The following PLCB1 variants were observed in gnomAD, a reference collection of about 807,000 sequenced individuals.
The protein encoded by PLCB1 is phospholipase C beta 1, also known as 1-phosphatidylinositol 4,5-bisphosphate phosphodiesterase beta-1.
A neutral mutation model predicts 161.8 loss-of-function variants in PLCB1; 46 were observed. That is an observed-to-expected ratio of 0.28 (90% CI 0.22 to 0.36). The LOEUF (loss-of-function observed/expected upper bound fraction) is 0.36, where lower values mean the gene tolerates loss of function less well. Among genes scored for constraint, PLCB1 ranks in the 10% least tolerant of loss-of-function variants. PLCB1 has a pLI of 1.00. For synonymous variants in PLCB1, 517 were observed against 503.7 expected (o/e 1.03, Z -0.35); for missense variants, 1,016 against 1,472.5 (o/e 0.69, Z 5.07).
At chr20:8,398,011 T>A (rs1052460819) in intron 3 of PLCB1, among the ~76,000 whole-genome samples, 24 of 152,260 alleles carry the variant, frequency 1.6e-4, no homozygotes, top group Admixed American at 1.6e-3. Flanking sequence ...ATAGACTTTT[T>A]CTTTGTTTAG....
At chr20:8,507,918 A>C (rs570494755) in intron 3 of PLCB1, among the ~76,000 whole-genome samples, 193 of 152,232 alleles carry the variant, frequency 1.3e-3, no homozygotes, top group Non-Finnish European at 2.4e-3. Flanking sequence ...ATGATTTTGC[A>C]ATGCATTATT....
chr20:8,321,781 C>T (rs956868255), intron 2 of PLCB1, among the ~76,000 whole-genome samples: 9 of 152,142 alleles, frequency 5.9e-5, no homozygotes, highest in African/African-American at 2.2e-4. Flanking sequence ...TCCTCTCTCC[C>T]CCGCATTGGG....
chr20:8,482,168 ATC>A (rs1416092714), intron 3 of PLCB1, among the ~76,000 whole-genome samples: 1 of 129,296 alleles, frequency 7.7e-6, no homozygotes, highest in Non-Finnish European at 1.5e-5. Context: ...AAGTGGCGTG[ATC>A]TCGGCTCACT....
intron 31 of PLCB1, among the ~76,000 whole-genome samples, chr20:8,804,424 C>A (rs1326048605): frequency 5.5e-5 from 1 of 18,280 alleles, no homozygotes; most frequent in Non-Finnish European, 9.5e-5. Flanking sequence ...TTGTTTGGTC[C>A]CTTTAGCTTT....
At chr20:8,665,047 C>G (rs552584214) in intron 9 of PLCB1, among the ~76,000 whole-genome samples, 1 of 152,140 alleles carries the variant, frequency 6.6e-6, no homozygotes, top group Non-Finnish European at 1.5e-5. Flanking sequence ...ACAAACCACA[C>G]GGACCGACAA....
intron 2 of PLCB1, among the ~76,000 whole-genome samples, chr20:8,230,962 A>G (rs1298226408): frequency 2.0e-5 from 3 of 152,140 alleles, no homozygotes; most frequent in African/African-American, 7.2e-5. Context: ...TTTAGTTCCT[A>G]TGCACCATCA....
chr20:8,668,241 G>A (rs1304722106), intron 9 of PLCB1, among the ~76,000 whole-genome samples: 1 of 152,098 alleles, frequency 6.6e-6, no homozygotes, highest in Non-Finnish European at 1.5e-5. Flanking sequence ...CCATAGTAGG[G>A]AATCCTGCCA....
chr20:8,339,318 C>T (rs1009562246), intron 2 of PLCB1, among the ~76,000 whole-genome samples: 1 of 152,132 alleles, frequency 6.6e-6, no homozygotes, highest in Non-Finnish European at 1.5e-5. Flanking sequence ...ACTTGCTCCT[C>T]ATGTGGGCAC....
intron 31 of PLCB1, among the ~76,000 whole-genome samples, chr20:8,837,813 C>G (rs1986346183): frequency 6.6e-6 from 1 of 152,184 alleles, no homozygotes; most frequent in Admixed American, 6.5e-5. Flanking sequence ...ACTGCAGTCA[C>G]TGAATTGAGA....
At chr20:8,186,655 A>T (rs990983332) in intron 2 of PLCB1, among the ~76,000 whole-genome samples, 2 of 152,198 alleles carry the variant, frequency 1.3e-5, no homozygotes, top group Non-Finnish European at 2.9e-5. Context: ...ATAAGTCCAG[A>T]TTCTCTGAGA....
chr20:8,618,933 G>T (rs1340022463), intron 3 of PLCB1, among the ~76,000 whole-genome samples: 1 of 151,944 alleles, frequency 6.6e-6, no homozygotes, highest in African/African-American at 2.4e-5. Context: ...AACACAAAAG[G>T]TATATAAATA....
In PLCB1 at chr20:8,415,265, T is replaced by C. The variant is rs138332697; in HGVS notation, c.246+43815T>C. Among the ~76,000 whole-genome samples the C allele has an allele frequency of 1.5e-3, 235 of 152,350 alleles. 2 individuals carry two copies. Among genetic ancestry groups the C allele is most frequent in the African/African-American group, 5.5e-3 (227 of 41,576 alleles). The stretch of plus-strand genomic sequence containing the variant: ...CAGGTGGAAGGGCATTAAGGTTTAC[T>C]CAGCATCTCTAGTTGCAGCTGGATG... On this transcript the variant is annotated intron_variant, in intron 3 of 31. Transcript: ENST00000338037.
chr20:8,172,944 A>G (rs1200661901), intron 2 of PLCB1, among the ~76,000 whole-genome samples: 2 of 152,176 alleles, frequency 1.3e-5, no homozygotes, highest in Non-Finnish European at 2.9e-5. Flanking sequence ...GGTTCAGGAA[A>G]GCTCCTTCTT....
At chr20:8,286,621 C>CT in intron 2 of PLCB1, among the ~76,000 whole-genome samples, 1 of 152,270 alleles carries the variant, frequency 6.6e-6, no homozygotes, top group Admixed American at 6.5e-5. Flanking sequence ...TGTGAATTGT[C>CT]TGAGTGTGCT....
At chr20:8,412,860 C>T (rs1276714107) in intron 3 of PLCB1, among the ~76,000 whole-genome samples, 2 of 151,372 alleles carry the variant, frequency 1.3e-5, no homozygotes, top group African/African-American at 2.4e-5. Context: ...AGCATGTTAA[C>T]GATGCCTATA....
At position 8,487,696 on chromosome 20, in the gene PLCB1, A is replaced by G. The variant is rs189055322; in HGVS notation, c.246+116246A>G. Among the ~76,000 whole-genome samples, 413 of 152,296 alleles carry G rather than the reference A, an allele frequency of 2.7e-3. 3 individuals are homozygous for G. The highest frequency in any genetic ancestry group is 9.5e-3 in the African/African-American group (394 of 41,564). The stretch of plus-strand genomic sequence containing the variant: ...TGATCTGTTCTTCAGCTCCTCAGAA[A>G]AGTTCTACAGCTACTCCAGATCTGT... On this transcript the variant is annotated intron_variant, in intron 3 of 31. Coordinates refer to ENST00000338037, the MANE Select transcript of PLCB1 (RefSeq NM_015192.4).
At chr20:8,454,866 A>G (rs1180239363) in intron 3 of PLCB1, among the ~76,000 whole-genome samples, 1 of 152,110 alleles carries the variant, frequency 6.6e-6, no homozygotes, top group Non-Finnish European at 1.5e-5. Flanking sequence ...ATTTTCTTCT[A>G]AAATGTATAT....
intron 3 of PLCB1, among the ~76,000 whole-genome samples, chr20:8,608,017 G>C (rs1048833335): frequency 6.6e-6 from 1 of 151,792 alleles, no homozygotes; most frequent in African/African-American, 2.4e-5. Context: ...ATTTTTACTC[G>C]TCCAACAATT....
chr20:8,462,836 C>T (rs2122690111), intron 3 of PLCB1, among the ~76,000 whole-genome samples: 1 of 151,960 alleles, frequency 6.6e-6, no homozygotes, highest in African/African-American at 2.4e-5. Flanking sequence ...ACTTCGTTTT[C>T]CTGATCACCA....
Sources: gnomAD v4.1 joint callset for allele counts (sites outside exome capture counted in the v4.1 genomes callset) on GRCh38, gnomAD v4.1.1 for gene constraint, MANE v1.5 for transcripts, NCBI Gene and HGNC (gene_info 2026-07-23, HGNC 2026-07-21) for gene names.